CDKAL1: variants seen among roughly 807,000 people sequenced by gnomAD.
CDKAL1 encodes the protein CDKAL1 threonylcarbamoyladenosine tRNA methylthiotransferase.
In CDKAL1, 32 loss-of-function variants were observed where a neutral mutation model predicts 68.2. The ratio of observed to expected loss-of-function variants is 0.47; its 90% CI spans 0.35 to 0.63. The LOEUF is 0.63. Among genes scored for constraint, CDKAL1 ranks in the 30% least tolerant of loss-of-function variants. CDKAL1 has a pLI of 0.00. For missense variants in CDKAL1, 606 were observed against 696.7 expected, an observed-to-expected ratio of 0.87 and a Z score of 1.47; for synonymous variants, 234 against 244.3, an observed-to-expected ratio of 0.96 and a Z score of 0.39.
At chr6:21,199,342 AC>A (rs1187814363) in intron 14 of CDKAL1, among the ~76,000 whole-genome samples, 3 of 152,160 alleles carry the variant, frequency 2.0e-5, no homozygotes, top group Non-Finnish European at 2.9e-5. Context: ...TCTGTTCAGT[AC>A]CGGTGGAGAC....
intron 4 of CDKAL1, chr6:20,599,239 A>G (rs1015457796): frequency 1.7e-5 from 5 of 299,020 alleles, no homozygotes; most frequent in African/African-American, 1.1e-4. Context: ...CACATTTTAA[A>G]AAGTATAAAT....
intron 8 of CDKAL1, among the ~76,000 whole-genome samples, chr6:20,781,648 C>T (rs1040315672): frequency 6.6e-6 from 1 of 151,956 alleles, no homozygotes; most frequent in African/African-American, 2.4e-5. Context: ...ATACTAACCA[C>T]GTTTTGATTA....
chr6:20,645,680 G>A (rs758194684), intron 4 of CDKAL1, among the ~76,000 whole-genome samples: 1 of 151,672 alleles, frequency 6.6e-6, no homozygotes, highest in Non-Finnish European at 1.5e-5. Flanking sequence ...GCAGTGAGCC[G>A]AGATTGCGCC....
At chr6:20,922,639 A>G (rs1379345218) in intron 9 of CDKAL1, among the ~76,000 whole-genome samples, 1 of 152,196 alleles carries the variant, frequency 6.6e-6, no homozygotes, top group African/African-American at 2.4e-5. Context: ...AATCGAGTCA[A>G]ACGACTCGTG....
intron 5 of CDKAL1, among the ~76,000 whole-genome samples, chr6:20,658,455 A>G (rs986180801): frequency 6.6e-6 from 1 of 152,256 alleles, no homozygotes; most frequent in Middle Eastern, 3.2e-3. Context: ...TGTTTGAGAC[A>G]GAGGATATCT....
intron 5 of CDKAL1, among the ~76,000 whole-genome samples, chr6:20,712,264 T>A (rs927971312): frequency 1.3e-5 from 2 of 152,134 alleles, no homozygotes; most frequent in Non-Finnish European, 2.9e-5. Context: ...GGAGAATGTA[T>A]GAGAAAACCT....
intron 8 of CDKAL1, among the ~76,000 whole-genome samples, chr6:20,823,773 A>G (rs983453244): frequency 2.0e-5 from 3 of 152,180 alleles, no homozygotes; most frequent in Non-Finnish European, 4.4e-5. Flanking sequence ...TGCGTTTTCT[A>G]GGATTTGACA....
intron 15 of CDKAL1, among the ~76,000 whole-genome samples, chr6:21,221,518 A>G (rs959957414): frequency 1.3e-5 from 2 of 152,148 alleles, no homozygotes; most frequent in African/African-American, 4.8e-5. Context: ...GTGAGCCACC[A>G]TGCCCAGCCA....
intron 13 of CDKAL1, among the ~76,000 whole-genome samples, chr6:21,110,347 A>T (rs1288632426): frequency 1.3e-5 from 2 of 152,202 alleles, no homozygotes; most frequent in Admixed American, 1.3e-4. Flanking sequence ...CACTGATTGG[A>T]ATGTCCACAA....
rs950057471 is a variant in CDKAL1 at position 20,553,757 on chromosome 6, T to C, written c.286+5052T>C. 5.9e-4 allele frequency among the ~76,000 whole-genome samples: 90 copies of C among 152,224 alleles called. 1 individual carries two copies. Among genetic ancestry groups the C allele is most frequent in the African/African-American group, 2.1e-3 (86 of 41,562 alleles). On this transcript the variant is annotated intron_variant, in intron 4 of 15. Coordinates refer to ENST00000274695, the MANE Select transcript of CDKAL1 (RefSeq NM_017774.3). ...TCCGGAGTAGCTGGGATTACCGGTG[T>C]GCGATACCATGCCTGACTGATTCTT...
chr6:21,094,023 C>G (rs186663235), intron 12 of CDKAL1, among the ~76,000 whole-genome samples: 291 of 151,892 alleles, frequency 1.9e-3, no homozygotes, highest in African/African-American at 6.8e-3. Flanking sequence ...TAAGTCACTG[C>G]ACTTGTCCAT....
chr6:20,611,119 CA>C (rs1451386237), intron 4 of CDKAL1, among the ~76,000 whole-genome samples: 4 of 152,020 alleles, frequency 2.6e-5, no homozygotes, highest in African/African-American at 9.7e-5. Flanking sequence ...TTTCATTTTT[CA>C]AAAACTTTTA....
At chr6:20,625,612 G>A (rs572517618) in intron 4 of CDKAL1, among the ~76,000 whole-genome samples, 1 of 152,228 alleles carries the variant, frequency 6.6e-6, no homozygotes, top group African/African-American at 2.4e-5. Flanking sequence ...AGCATTTAGA[G>A]TATTTGGCTC....
intron 4 of CDKAL1, among the ~76,000 whole-genome samples, chr6:20,618,756 C>A (rs1767043281): frequency 6.6e-6 from 1 of 151,932 alleles, no homozygotes; most frequent in African/African-American, 2.4e-5. Context: ...TTGGCTCACT[C>A]TAGCCTCGAC....
At chr6:20,569,158 A>G (rs1442465367) in intron 4 of CDKAL1, among the ~76,000 whole-genome samples, 1 of 152,164 alleles carries the variant, frequency 6.6e-6, no homozygotes, top group African/African-American at 2.4e-5. Context: ...ACGTTGAATG[A>G]TTTGTTACCA....
intron 11 of CDKAL1, among the ~76,000 whole-genome samples, chr6:21,035,164 A>G (rs2150885235): frequency 6.6e-6 from 1 of 152,240 alleles, no homozygotes; most frequent in African/African-American, 2.4e-5. Flanking sequence ...ATTCTTCTCT[A>G]TCAACAGCAA....
At chr6:20,780,772 C>T (rs1316747322) in intron 7 of CDKAL1, among the ~76,000 whole-genome samples, 3 of 150,544 alleles carry the variant, frequency 2.0e-5, no homozygotes, top group Non-Finnish European at 4.4e-5. Context: ...CTCCCGGGCT[C>T]GAGCTATTCT....
chr6:21,031,327 TCTG>T (rs1365207934), intron 11 of CDKAL1, among the ~76,000 whole-genome samples: 1 of 151,334 alleles, frequency 6.6e-6, no homozygotes, highest in African/African-American at 2.4e-5. Context: ...GACTTTGCCT[TCTG>T]CTTGCAACGG....
At chr6:21,153,235 C>CTTTTTTTT (rs1162272560) in intron 13 of CDKAL1, among the ~76,000 whole-genome samples, 31 of 96,190 alleles carry the variant, frequency 3.2e-4, no homozygotes, top group East Asian at 7.5e-4. Flanking sequence ...TATGTGATTT[C>CTTTTTTTT]TTTTTTTTTT....
Sources: allele counts gnomAD v4.1 joint callset (sites outside exome capture counted in the v4.1 genomes callset), GRCh38; gene constraint gnomAD v4.1.1; transcripts MANE v1.5; gene names NCBI Gene and HGNC (gene_info 2026-07-23, HGNC 2026-07-21).